The following FANCE variants were observed in gnomAD, a reference collection of about 807,000 sequenced individuals.
FANCE encodes the protein FA complementation group E.
A neutral mutation model predicts 57.8 loss-of-function variants in FANCE; 42 were observed. The observed-to-expected ratio is 0.73, with a 90% CI of 0.57 to 0.94. FANCE has a LOEUF of 0.94. Ranked by LOEUF, FANCE falls within the 40% of genes least tolerant of loss-of-function variation. The probability of loss-of-function intolerance (pLI) is 0.00; values close to 1 mark genes in which losing one functional copy is unlikely to be tolerated. For missense variants in FANCE, 608 were observed against 661.8 expected, an observed-to-expected ratio of 0.92 and a Z score of 0.89; for synonymous variants, 251 against 286.4, an observed-to-expected ratio of 0.88 and a Z score of 1.25.
chr6:35,458,209 T>G, intron 4 of FANCE, 88 bp from the exon 5 acceptor site: 1 of 1,558,818 alleles, frequency 6.4e-7, no homozygotes, highest in Non-Finnish European at 8.8e-7. Flanking sequence ...TTTGCCCTGC[T>G]CTGTCTGCTG....
Position 35,459,462 on chromosome 6 carries a change from T to A in FANCE, c.1237+8T>A, listed in dbSNP as rs1767499963. 3 of 1,613,842 alleles carry A rather than the reference T, an allele frequency of 1.9e-6. No individual in the cohort carries two copies. In the African/African-American group the frequency reaches 4.0e-5, roughly 22 times the overall value. On this transcript the variant is annotated splice_region_variant and intron_variant, in intron 6 of 9. Transcript: ENST00000229769. ...TCCAGGCCCCAGGCACAGGTAATTC[T>A]GGAACCAGCCCCAGGCCCAGTAGCT...
chr6:35,452,516 T>G lies in FANCE; in HGVS notation c.-30T>G. On this transcript the variant is annotated 5_prime_UTR_variant, in exon 1 of 10. Coordinates refer to ENST00000229769, the MANE Select transcript of FANCE (RefSeq NM_021922.3). ...TCTGAGCTGAGGCCCCACACCAGAG[T>G]AGGGGGCGGCGCGGCACCCGTGCCC... is the stretch of plus-strand genomic sequence containing the variant. 7.9e-7 allele frequency: 1 copy of G among 1,268,752 alleles called. No homozygotes were observed. Among genetic ancestry groups the G allele is most frequent in the Admixed American group, 3.6e-5 (1 of 27,742 alleles). The allele number at this position is 1,268,752 out of a possible 1,614,324, so 78.6% of individuals were successfully genotyped here. A position where few individuals can be genotyped will look rare whatever the true frequency, so the allele number is the denominator to read the frequency against.
intron 9 of FANCE, among the ~76,000 whole-genome samples, chr6:35,464,728 CTT>C (rs59541412): frequency 0.01 from 1,103 of 107,690 alleles, 3 homozygotes; most frequent in African/African-American, 0.03. Context: ...GAGAGATATT[CTT>C]TTTTTTTTTT....
chr6:35,462,479 A>T (rs778167040), intron 8 of FANCE, among the ~76,000 whole-genome samples: 10 of 152,088 alleles, frequency 6.6e-5, no homozygotes, highest in Non-Finnish European at 1.3e-4. Context: ...TTATATCTTT[A>T]ACCACTGAAC....
At chr6:35,463,753 C>T (rs1333431665) in intron 9 of FANCE, among the ~76,000 whole-genome samples, 1 of 151,664 alleles carries the variant, frequency 6.6e-6, no homozygotes, top group Non-Finnish European at 1.5e-5. Context: ...CCTCTGCCTC[C>T]TAGGTTCAAG....
Position 35,462,117 on chromosome 6 carries a change from A to T in FANCE, c.1384-672A>T, listed in dbSNP as rs143094089. On this transcript the variant is annotated intron_variant, in intron 8 of 9. Coordinates refer to ENST00000229769, the MANE Select transcript of FANCE (RefSeq NM_021922.3). The stretch of plus-strand genomic sequence containing the variant: ...TTATTAAATAATAATAATAATTATT[A>T]TTTTTTTTGAGACGGAGTCTCACTC... 1.6e-3 allele frequency among the ~76,000 whole-genome samples: 236 copies of T among 149,868 alleles called. 2 individuals carry two copies. Among genetic ancestry groups the T allele is most frequent in the East Asian group, 8.2e-3 (41 of 5,024 alleles).
chr6:35,460,567 G>A lies in FANCE; in HGVS notation c.1332G>A (p.Leu444=), dbSNP rs534777587. Residue 444 remains leucine, a synonymous_variant, in exon 8 of 10, where the codon CTG becomes CTA. Transcript: ENST00000229769. ...QVLMLGQILE[L]PWKEETFLVL... is the part of the protein sequence containing the mutation. ...TGCTTTGCAGACAGATCTTGGAGCT[G>A]CCCTGGAAGGAGGAAACTTTCTTGG... 1.9e-6 allele frequency: 3 copies of A among 1,614,108 alleles called. No homozygotes were observed. Among genetic ancestry groups the A allele is most frequent in the South Asian group, 2.2e-5 (2 of 91,086 alleles).
chr6:35,461,827 T>G (rs1386984703), intron 8 of FANCE, among the ~76,000 whole-genome samples: 2 of 151,782 alleles, frequency 1.3e-5, no homozygotes, highest in African/African-American at 4.8e-5. Context: ...TTTTGTATTT[T>G]TAGTAGAGAT....
chr6:35,461,115 G>A (rs570928477), intron 8 of FANCE, among the ~76,000 whole-genome samples: 39 of 149,766 alleles, frequency 2.6e-4, no homozygotes, highest in African/African-American at 9.4e-4. Context: ...ATAGGGTTTT[G>A]CCATGACCTG....
At chr6:35,455,241 A>T (rs9470032) in intron 1 of FANCE, among the ~76,000 whole-genome samples, 2,856 of 152,340 alleles carry the variant, frequency 0.019, 84 homozygotes, top group African/African-American at 0.062. Context: ...GTCATATGAT[A>T]GATATTCAAT....
At chr6:35,453,227 G>A (rs1458765757) in intron 1 of FANCE, among the ~76,000 whole-genome samples, 6 of 152,154 alleles carry the variant, frequency 3.9e-5, no homozygotes, top group Non-Finnish European at 8.8e-5. Context: ...TTCACTTTAA[G>A]GCAAGATTGC....
Position 35,459,773 on chromosome 6 carries a change from G to A in FANCE, c.1316+13G>A. Reference sequence around the variant, plus strand: ...TTCTAATGCTGGGGTGAGTGTGCAGGCCTCCGTGCTGTCCCCACTGCCACC... The same window carrying A: ...TTCTAATGCTGGGGTGAGTGTGCAGACCTCCGTGCTGTCCCCACTGCCACC... On this transcript the variant is annotated intron_variant, in intron 7 of 9. Transcript: ENST00000229769. 1 of 1,611,870 alleles carries A rather than the reference G, an allele frequency of 6.2e-7. No individual in the cohort carries two copies. The highest frequency in any genetic ancestry group is 8.5e-7 in the Non-Finnish European group (1 of 1,177,950).
At chr6:35,457,850 A>C in intron 3 of FANCE, 66 bp from the exon 4 acceptor site, 5 of 1,395,152 alleles carry the variant, frequency 3.6e-6, no homozygotes, top group Non-Finnish European at 5.1e-6. Context: ...TGCCACCTGA[A>C]GGGGTGGCTT....
chr6:35,464,923 A>T (rs1767766895), intron 9 of FANCE, among the ~76,000 whole-genome samples: 1 of 149,686 alleles, frequency 6.7e-6, no homozygotes, highest in Admixed American at 6.7e-5. Flanking sequence ...TTTAGTAGAG[A>T]CGGGGTTTCA....
At chr6:35,466,197 G>C in intron 9 of FANCE, 47 bp from the exon 10 acceptor site, 2 of 1,222,088 alleles carry the variant, frequency 1.6e-6, no homozygotes, top group Non-Finnish European at 2.4e-6. Context: ...CGGGAGACGG[G>C]AGGGATCAGT....
chr6:35,466,687 C>T lies in FANCE; in HGVS notation c.*342C>T, dbSNP rs912354724. 18 of 416,948 alleles carry T rather than the reference C, an allele frequency of 4.3e-5. No individual in the cohort carries two copies. Among genetic ancestry groups the T allele is most frequent in the African/African-American group, 3.6e-4 (18 of 50,030 alleles). The allele number at this position is 416,948 out of a possible 1,614,324, so 25.8% of individuals were successfully genotyped here. A position where few individuals can be genotyped will look rare whatever the true frequency, so the allele number is the denominator to read the frequency against. On this transcript the variant is annotated 3_prime_UTR_variant, in exon 10 of 10. Coordinates refer to ENST00000229769, the MANE Select transcript of FANCE (RefSeq NM_021922.3). ...AGGCTCGATCCTCCCATGTCAGCCTCCCAAGTAGCTGGGACTACATGCACA... is the reference window on the plus strand; with the variant it reads ...AGGCTCGATCCTCCCATGTCAGCCTTCCAAGTAGCTGGGACTACATGCACA...
At chr6:35,459,280 T>G (rs950005468) in intron 5 of FANCE, 51 bp from the exon 6 acceptor site, 1 of 1,608,502 alleles carries the variant, frequency 6.2e-7, no homozygotes, top group African/African-American at 1.3e-5. Context: ...TGATAAATGC[T>G]GTTGAAATGA....
At chr6:35,464,210 TTTCAAAAATAGAGACAGGGTC>T (rs1767709539) in intron 9 of FANCE, among the ~76,000 whole-genome samples, 1 of 151,292 alleles carries the variant, frequency 6.6e-6, no homozygotes, top group Non-Finnish European at 1.5e-5. Flanking sequence ...AAATTTAATT[TTTCAAAAATAGAGACAGGGTC>T]TTCTTTTTTT....
rs2150891002 is a variant in FANCE at position 35,456,060 on chromosome 6, G to A, written c.562G>A (p.Glu188Lys). 6.2e-7 allele frequency: 1 copy of A among 1,613,580 alleles called. No homozygotes were observed. Among genetic ancestry groups the A allele is most frequent in the South Asian group, 1.1e-5 (1 of 91,076 alleles). The change falls in exon 2 of 10, where the codon GAA becomes AAA. Residue 188 changes from glutamate (E) to lysine (K), a missense_variant. By Grantham distance (56) the Glu-to-Lys change is moderately conservative (BLOSUM62 1). Coordinates refer to ENST00000229769, the MANE Select transcript of FANCE (RefSeq NM_021922.3). The surrounding 1 kb of genome is among the most constrained non-coding windows in gnomAD (Gnocchi z 4.3). Reference sequence around the variant, plus strand: ...ATCCCCCCAGGCTCCAGACCCTGAAGAAGAGGAGAACAGGGACTCCCAGCA... The same window carrying A: ...ATCCCCCCAGGCTCCAGACCCTGAAAAAGAGGAGAACAGGGACTCCCAGCA... ...LKSPQAPDPEEEENRDSQQPG... is the reference protein window; with the variant it reads ...LKSPQAPDPEKEENRDSQQPG...
Sources: allele counts gnomAD v4.1 joint callset (sites outside exome capture counted in the v4.1 genomes callset), GRCh38; gene constraint gnomAD v4.1.1; non-coding constraint Gnocchi (gnomAD v3.1); transcripts MANE v1.5; gene names NCBI Gene and HGNC (gene_info 2026-07-23, HGNC 2026-07-21).